CREB5: variants seen among roughly 807,000 people sequenced by gnomAD.
CREB5 encodes the protein cyclic AMP-responsive element-binding protein 5.
CREB5 carries 19 observed loss-of-function variants against 57.1 expected under a neutral mutation model. The ratio of observed to expected loss-of-function variants is 0.33; its 90% CI spans 0.23 to 0.49. The LOEUF is 0.49. Among genes scored for constraint, CREB5 ranks in the 20% least tolerant of loss-of-function variants. The pLI, the probability that CREB5 is intolerant of heterozygous loss-of-function variation, is 0.99. For missense variants in CREB5, 579 were observed against 671.6 expected (o/e 0.86, Z 1.52); for synonymous variants, 238 against 238.3 (o/e 1.00, Z 0.01).
chr7:28,461,052 C>G (rs1344850736), intron 1 of CREB5, among the ~76,000 whole-genome samples: 1 of 151,266 alleles, frequency 6.6e-6, no homozygotes, highest in Non-Finnish European at 1.5e-5. Flanking sequence ...CAAAAAAAAA[C>G]AAAATGAAAT....
At chr7:28,665,381 C>A (rs1017509756) in intron 5 of CREB5, among the ~76,000 whole-genome samples, 1 of 152,184 alleles carries the variant, frequency 6.6e-6, no homozygotes, top group African/African-American at 2.4e-5. Flanking sequence ...ACCTCCCTTC[C>A]TTCCTCCCCC....
intron 7 of CREB5, among the ~76,000 whole-genome samples, chr7:28,803,534 G>A (rs1261077152): frequency 6.6e-6 from 1 of 152,062 alleles, no homozygotes; most frequent in African/African-American, 2.4e-5. Flanking sequence ...CGAGGCAGAT[G>A]GATCACGAGG....
At chr7:28,724,406 C>G in intron 7 of CREB5, 74 bp downstream of exon 7, 1 of 1,256,026 alleles carries the variant, frequency 8.0e-7, no homozygotes, top group Non-Finnish European at 1.1e-6. Flanking sequence ...ACTCCAAAAC[C>G]TTAGTTCAGC....
intron 5 of CREB5, among the ~76,000 whole-genome samples, chr7:28,664,427 CT>C (rs1330561336): frequency 6.6e-6 from 1 of 151,794 alleles, no homozygotes; most frequent in African/African-American, 2.4e-5. Context: ...CATTTTTTTC[CT>C]TCTTTCTCTC....
At chr7:28,299,664 T>C (rs1391218430) in intron 1 of CREB5, among the ~76,000 whole-genome samples, 2 of 152,210 alleles carry the variant, frequency 1.3e-5, no homozygotes, top group Non-Finnish European at 2.9e-5. Flanking sequence ...AATAGACAAA[T>C]ACTGGATGTT....
At chr7:28,401,505 C>T (rs1015588980) in intron 1 of CREB5, among the ~76,000 whole-genome samples, 14 of 151,902 alleles carry the variant, frequency 9.2e-5, no homozygotes, top group Non-Finnish European at 1.9e-4. Flanking sequence ...TGTTGGTGTG[C>T]TGCACCCATT....
chr7:28,305,887 C>A (rs1428598340), intron 1 of CREB5, among the ~76,000 whole-genome samples: 1 of 151,930 alleles, frequency 6.6e-6, no homozygotes. Context: ...ATGCATGAAC[C>A]CATCCAGATA....
intron 1 of CREB5, among the ~76,000 whole-genome samples, chr7:28,456,754 A>G (rs117227690): frequency 7.9e-5 from 12 of 152,320 alleles, no homozygotes; most frequent in East Asian, 1.9e-4. Context: ...TGTGTCTGCC[A>G]TTTTGCATAT....
At chr7:28,782,227 T>A (rs1407872274) in intron 7 of CREB5, among the ~76,000 whole-genome samples, 1 of 152,178 alleles carries the variant, frequency 6.6e-6, no homozygotes, top group African/African-American at 2.4e-5. Flanking sequence ...GCTGAATACA[T>A]TTTTGAAAGG....
At chr7:28,439,639 C>T (rs914015646) in intron 1 of CREB5, among the ~76,000 whole-genome samples, 1 of 152,114 alleles carries the variant, frequency 6.6e-6, no homozygotes, top group Non-Finnish European at 1.5e-5. Context: ...AGGATTTGAA[C>T]CTGTGCAGTC....
chr7:28,795,880 A>G (rs1165637635), intron 7 of CREB5, among the ~76,000 whole-genome samples: 1 of 151,460 alleles, frequency 6.6e-6, no homozygotes, highest in Non-Finnish European at 1.5e-5. Context: ...CAGCCTCCCA[A>G]GTAGCTGGGA....
chr7:28,676,213 C>T (rs1323713950), intron 5 of CREB5, among the ~76,000 whole-genome samples: 1 of 150,366 alleles, frequency 6.7e-6, no homozygotes, highest in Non-Finnish European at 1.5e-5. Flanking sequence ...AGGTTCACTG[C>T]CTCTTCCTCC....
At chr7:28,662,109 T>A (rs1042158474) in intron 5 of CREB5, among the ~76,000 whole-genome samples, 19 of 152,228 alleles carry the variant, frequency 1.2e-4, no homozygotes, top group African/African-American at 3.9e-4. Context: ...CTAGACCTGA[T>A]CCTCCAGAGA....
At chr7:28,466,394 G>A (rs950945274) in intron 1 of CREB5, among the ~76,000 whole-genome samples, 1 of 152,184 alleles carries the variant, frequency 6.6e-6, no homozygotes, top group Non-Finnish European at 1.5e-5. Context: ...GTGGTGGAAA[G>A]CCTGTAGGCG....
At chr7:28,399,926 C>CA (rs1389516679) in intron 1 of CREB5, among the ~76,000 whole-genome samples, 1 of 152,070 alleles carries the variant, frequency 6.6e-6, no homozygotes, top group Non-Finnish European at 1.5e-5. Context: ...GGCGTGGTGG[C>CA]AGGTGCCTGT....
intron 7 of CREB5, among the ~76,000 whole-genome samples, chr7:28,726,249 G>T (rs1309222382): frequency 6.6e-6 from 1 of 152,132 alleles, no homozygotes; most frequent in African/African-American, 2.4e-5. Flanking sequence ...GGCTTAGGGA[G>T]TACAGCTATT....
At chr7:28,521,378 A>T (rs1793200237) in intron 4 of CREB5, among the ~76,000 whole-genome samples, 1 of 152,040 alleles carries the variant, frequency 6.6e-6, no homozygotes, top group Non-Finnish European at 1.5e-5. Context: ...TGGTTACCTC[A>T]CTTCTCCCCA....
At chr7:28,353,730 C>G (rs1000965428) in intron 1 of CREB5, among the ~76,000 whole-genome samples, 14 of 151,760 alleles carry the variant, frequency 9.2e-5, no homozygotes, top group Non-Finnish European at 1.9e-4. Context: ...GTAGTCCCAG[C>G]TACTCGGGAG....
At chr7:28,319,566 C>T (rs1050929947) in intron 1 of CREB5, among the ~76,000 whole-genome samples, 2 of 152,070 alleles carry the variant, frequency 1.3e-5, no homozygotes, top group Non-Finnish European at 2.9e-5. Context: ...CCACACAGTG[C>T]CTTTCGGTGT....
Sources: allele counts gnomAD v4.1 joint callset (sites outside exome capture counted in the v4.1 genomes callset), GRCh38; gene constraint gnomAD v4.1.1; transcripts MANE v1.5; gene names NCBI Gene and HGNC (gene_info 2026-07-23, HGNC 2026-07-21).